LRMDA: variants seen among roughly 807,000 people sequenced by gnomAD.
The protein encoded by LRMDA is leucine-rich melanocyte differentiation-associated protein.
LRMDA carries 18 observed loss-of-function variants against 29.8 expected under a neutral mutation model. That is an observed-to-expected ratio of 0.60 (90% confidence interval 0.42 to 0.90). The LOEUF (loss-of-function observed/expected upper bound fraction) is 0.90, where lower values mean the gene tolerates loss of function less well. Ranked by LOEUF, LRMDA falls within the 40% of genes least tolerant of loss-of-function variation. LRMDA has a pLI of 0.00. For missense variants in LRMDA, 273 were observed against 273.9 expected, an observed-to-expected ratio of 1.00 and a Z score of 0.02; for synonymous variants, 125 against 109.4, an observed-to-expected ratio of 1.14 and a Z score of -0.89.
At chr10:75,703,636 G>A (rs1001360730) in intron 2 of LRMDA, among the ~76,000 whole-genome samples, 3 of 152,118 alleles carry the variant, frequency 2.0e-5, no homozygotes, top group Admixed American at 1.3e-4. Context: ...GAGGGAAGCC[G>A]CCCTCCTGTC....
intron 6 of LRMDA, among the ~76,000 whole-genome samples, chr10:76,351,391 T>C (rs2132432376): frequency 6.6e-6 from 1 of 152,310 alleles, no homozygotes; most frequent in South Asian, 2.1e-4. Context: ...TAAGCTAACA[T>C]GGAGACTGTG....
At chr10:75,881,096 A>G (rs968921422) in intron 2 of LRMDA, among the ~76,000 whole-genome samples, 5 of 152,338 alleles carry the variant, frequency 3.3e-5, no homozygotes, top group African/African-American at 1.2e-4. Context: ...TCCAGTGAAT[A>G]TAAGCAGATT....
chr10:75,535,851 G>A (rs1839938332), intron 2 of LRMDA, among the ~76,000 whole-genome samples: 1 of 152,166 alleles, frequency 6.6e-6, no homozygotes, highest in African/African-American at 2.4e-5. Context: ...GGAGGAGGCA[G>A]TGTGGTCTAC....
intron 5 of LRMDA, among the ~76,000 whole-genome samples, chr10:76,131,666 T>C (rs955312256): frequency 8.9e-6 from 1 of 111,922 alleles, no homozygotes; most frequent in Admixed American, 1.1e-4. Flanking sequence ...TTTGATGGTT[T>C]TTTTTTTTAA....
intron 6 of LRMDA, among the ~76,000 whole-genome samples, chr10:76,513,161 A>G (rs1297574065): frequency 6.6e-6 from 1 of 152,178 alleles, no homozygotes; most frequent in Non-Finnish European, 1.5e-5. Context: ...GACAGTTTAA[A>G]TTTGGTGAGA....
chr10:75,787,249 G>A (rs1208244421), intron 2 of LRMDA, among the ~76,000 whole-genome samples: 2 of 152,202 alleles, frequency 1.3e-5, no homozygotes, highest in African/African-American at 4.8e-5. Context: ...CCTGCTGCCT[G>A]GGCAGGGGGC....
chr10:76,109,640 C>T (rs1040984200), intron 5 of LRMDA, among the ~76,000 whole-genome samples: 8 of 152,118 alleles, frequency 5.3e-5, no homozygotes, highest in Non-Finnish European at 8.8e-5. Flanking sequence ...ATTTTGTTAC[C>T]TTCAACTTAT....
At chr10:76,437,632 A>T (rs1176458383) in intron 6 of LRMDA, 2 of 152,302 alleles carry the variant, frequency 1.3e-5, no homozygotes, top group African/African-American at 2.4e-5. Context: ...TGACATTCAC[A>T]CCAAGGCTTA....
At chr10:75,521,370 C>T (rs945475499) in intron 2 of LRMDA, among the ~76,000 whole-genome samples, 1 of 152,220 alleles carries the variant, frequency 6.6e-6, no homozygotes, top group Non-Finnish European at 1.5e-5. Context: ...CTGCCCAGCT[C>T]GAACTTCCCA....
chr10:76,080,136 T>C (rs1441731681), intron 5 of LRMDA, among the ~76,000 whole-genome samples: 1 of 152,140 alleles, frequency 6.6e-6, no homozygotes, highest in Non-Finnish European at 1.5e-5. Context: ...TCATCTACCT[T>C]CTAGGGAATA....
intron 5 of LRMDA, among the ~76,000 whole-genome samples, chr10:76,191,768 G>T (rs897404729): frequency 6.6e-6 from 1 of 152,148 alleles, no homozygotes; most frequent in African/African-American, 2.4e-5. Context: ...TGACTCTTTC[G>T]ATTACCTTGC....
intron 5 of LRMDA, among the ~76,000 whole-genome samples, chr10:76,262,578 G>T (rs1312444526): frequency 6.6e-6 from 1 of 152,186 alleles, no homozygotes; most frequent in Non-Finnish European, 1.5e-5. Context: ...TGGCATATAT[G>T]TGTTCGGCAC....
intron 3 of LRMDA, among the ~76,000 whole-genome samples, chr10:76,045,275 CCT>C (rs1180260419): frequency 1.4e-5 from 2 of 147,910 alleles, no homozygotes; most frequent in African/African-American, 5.0e-5. Context: ...CTAGTTTCCC[CCT>C]CTCTGGTTAG....
intron 2 of LRMDA, among the ~76,000 whole-genome samples, chr10:75,980,570 C>A (rs933532975): frequency 6.6e-6 from 1 of 152,090 alleles, no homozygotes; most frequent in African/African-American, 2.4e-5. Flanking sequence ...ATCCTGGACC[C>A]GTGCGTGTCT....
intron 2 of LRMDA, among the ~76,000 whole-genome samples, chr10:75,595,756 G>T (rs1304457876): frequency 6.6e-6 from 1 of 151,790 alleles, no homozygotes; most frequent in African/African-American, 2.4e-5. Context: ...TAGTCATAAT[G>T]AAGAAGCAAG....
chr10:75,734,680 C>G (rs185323043), intron 2 of LRMDA, among the ~76,000 whole-genome samples: 1 of 152,310 alleles, frequency 6.6e-6, no homozygotes, highest in African/African-American at 2.4e-5. Context: ...ACAGGGCAGA[C>G]CTGGATTCCC....
intron 6 of LRMDA, among the ~76,000 whole-genome samples, chr10:76,357,424 A>G (rs2132439698): frequency 1.3e-5 from 2 of 152,308 alleles, no homozygotes; most frequent in South Asian, 4.1e-4. Flanking sequence ...ATGTGTGTGG[A>G]GGTACACATC....
chr10:76,164,164 C>T (rs1850694917), intron 5 of LRMDA, among the ~76,000 whole-genome samples: 1 of 151,962 alleles, frequency 6.6e-6, no homozygotes, highest in African/African-American at 2.4e-5. Context: ...AAGGAATTTG[C>T]TCTAGGTCCC....
At chr10:76,009,103 G>T (rs981083044) in intron 2 of LRMDA, among the ~76,000 whole-genome samples, 1 of 152,184 alleles carries the variant, frequency 6.6e-6, no homozygotes, top group African/African-American at 2.4e-5. Flanking sequence ...TGCACTGTCT[G>T]CAGGGAATTT....
Sources: gnomAD v4.1 joint callset for allele counts (sites outside exome capture counted in the v4.1 genomes callset) on GRCh38, gnomAD v4.1.1 for gene constraint, MANE v1.5 for transcripts, NCBI Gene and HGNC (gene_info 2026-07-23, HGNC 2026-07-21) for gene names.